The following TRIM21 variants were observed in gnomAD, a reference collection of about 807,000 sequenced individuals.
TRIM21 encodes the protein tripartite motif containing 21.
A neutral mutation model predicts 36.1 loss-of-function variants in TRIM21; 35 were observed. The ratio of observed to expected loss-of-function variants is 0.97; its 90% CI spans 0.74 to 1.28. TRIM21 has a LOEUF of 1.28. Ranked by LOEUF, TRIM21 falls within the 50% of genes most tolerant of loss-of-function variation. The pLI is 0.00. For missense variants in TRIM21, 635 were observed against 570.7 expected, an observed-to-expected ratio of 1.11 and a Z score of -1.15; for synonymous variants, 256 against 211.5, an observed-to-expected ratio of 1.21 and a Z score of -1.83.
chr11:4,389,739 T>TG lies in TRIM21; in HGVS notation c.418dup (p.Gln140ProfsTer15), dbSNP rs765720478. 1 of 1,613,932 alleles carries TG rather than the reference T, an allele frequency of 6.2e-7. No homozygotes were observed. Among genetic ancestry groups the TG allele is most frequent in the South Asian group, 1.1e-5 (1 of 91,082 alleles). On this transcript the variant is annotated frameshift_variant, in exon 3 of 7. Coordinates refer to ENST00000254436, the MANE Select transcript of TRIM21 (RefSeq NM_003141.4). LOFTEE classifies it high-confidence loss of function. Reference sequence around the variant, plus strand: ...TCTTCTCAGTTCCCCTAATGCCACCTGGAGCTTCTCCTGCAGAGAAAGACA... The same window carrying TG: ...TCTTCTCAGTTCCCCTAATGCCACCTGGGAGCTTCTCCTGCAGAGAAAGACA...
At position 4,384,910 on chromosome 11, in the gene TRIM21, A is replaced by T. The variant is rs2094954115; in HGVS notation, c.*375T>A. On this transcript the variant is annotated 3_prime_UTR_variant, in exon 7 of 7. Transcript: ENST00000254436. ...GATAGACGGAGGCACAGTTTTTTAA[A>T]TTTTATTTTTTATTTTTAGGAAGCC... The T allele has an allele frequency of 5.4e-6, 1 of 184,830 alleles. No homozygotes were observed. Among genetic ancestry groups the T allele is most frequent in the Non-Finnish European group, 1.1e-5 (1 of 89,496 alleles). The allele number at this position is 184,830 out of a possible 1,614,324, so 11.4% of individuals were successfully genotyped here. A position where few individuals can be genotyped will look rare whatever the true frequency, so the allele number is the denominator to read the frequency against.
In TRIM21 at chr11:4,388,317, C is replaced by T. The variant is rs1340277926; in HGVS notation, c.718G>A (p.Ala240Thr). The change falls in exon 4 of 7, where the codon GCA becomes ACA. Residue 240 changes from alanine to threonine, a missense_variant. Coordinates refer to ENST00000254436, the MANE Select transcript of TRIM21 (RefSeq NM_003141.4). ...TGTCTCACCTGCAGCAGTTCCAGTG[C>T]TGAGCTGTGGCACCTTCGATCTAGC... is the stretch of plus-strand genomic sequence containing the variant. Reference protein sequence around the residue: ...SELDRRCHSSALELLQEVIIV... With the variant: ...SELDRRCHSSTLELLQEVIIV... The T allele has an allele frequency of 1.2e-6, 2 of 1,613,574 alleles. No homozygotes were observed. Among genetic ancestry groups the T allele is most frequent in the South Asian group, 1.1e-5 (1 of 91,080 alleles).
At position 4,385,434 on chromosome 11, in the gene TRIM21, C is replaced by T; in HGVS notation, c.1279G>A (p.Gly427Ser). 4 of 1,613,574 alleles carry T rather than the reference C, an allele frequency of 2.5e-6. No individual in the cohort carries two copies. The highest frequency in any genetic ancestry group is 3.4e-6 in the Non-Finnish European group (4 of 1,179,756). Residue 427 changes from glycine to serine, a missense_variant, in exon 7 of 7, where the codon GGC becomes AGC. Coordinates refer to ENST00000254436, the MANE Select transcript of TRIM21 (RefSeq NM_003141.4). Reference protein sequence around the residue: ...MVSFYNITDHGSLIYSFSECA... With the variant: ...MVSFYNITDHSSLIYSFSECA... ...TCAGAGAAGGAGTAGATGAGGGAGC[C>T]ATGGTCAGTGATGTTGTAGAAGGAG...
intron 1 of TRIM21, among the ~76,000 whole-genome samples, chr11:4,391,592 G>C (rs1025960128): frequency 3.3e-5 from 5 of 151,910 alleles, no homozygotes; most frequent in Non-Finnish European, 7.4e-5. Flanking sequence ...CCCAAAGAAA[G>C]GAAATCAGTA....
intron 1 of TRIM21, among the ~76,000 whole-genome samples, 166 bp downstream of exon 1, chr11:4,393,467 A>T (rs1480536324): frequency 1.3e-5 from 2 of 152,184 alleles, no homozygotes; most frequent in African/African-American, 4.8e-5. Flanking sequence ...GCAGGGGGCC[A>T]GCACCGGAAG....
chr11:4,389,974 C>A, intron 2 of TRIM21, 28 bp downstream of exon 2: 1 of 1,605,946 alleles, frequency 6.2e-7, no homozygotes, highest in Non-Finnish European at 8.5e-7. Context: ...GAAAACGAAG[C>A]ACTCACCAGG....
chr11:4,391,809 T>A (rs1372257172), intron 1 of TRIM21, among the ~76,000 whole-genome samples: 2 of 152,126 alleles, frequency 1.3e-5, no homozygotes. Context: ...TTATGTTAGG[T>A]GAAATAAGCC....
At chr11:4,386,311 A>T in intron 5 of TRIM21, 54 bp from the exon 6 acceptor site, 1 of 1,414,810 alleles carries the variant, frequency 7.1e-7, no homozygotes, top group Middle Eastern at 1.8e-4. Flanking sequence ...CCAAACCCTA[A>T]CACTATAACC....
At chr11:4,389,445 C>G (rs1471331340) in intron 3 of TRIM21, among the ~76,000 whole-genome samples, 1 of 152,202 alleles carries the variant, frequency 6.6e-6, no homozygotes, top group East Asian at 1.9e-4. Flanking sequence ...TCTTGATCTT[C>G]AGGCCTGATG....
intron 3 of TRIM21, 123 bp from the exon 4 acceptor site, chr11:4,388,653 ACACACATGCACACG>A: frequency 1.2e-6 from 1 of 868,202 alleles, no homozygotes. Context: ...GGGAAAACAC[ACACACATGCACACG>A]CACACGCGCG....
chr11:4,389,892 A>C, intron 2 of TRIM21, 110 bp downstream of exon 2: 1 of 1,500,324 alleles, frequency 6.7e-7, no homozygotes, highest in Non-Finnish European at 9.2e-7. Flanking sequence ...TACATTAGAC[A>C]TGGAGAGAGG....
At position 4,386,170 on chromosome 11, in the gene TRIM21, C is replaced by G. The variant is rs377387654; in HGVS notation, c.846G>C (p.Leu282=). Residue 282 remains leucine, a synonymous_variant, in exon 6 of 7, where the codon CTG becomes CTC. Transcript: ENST00000254436. ...AACTTGCCTCACCTGCACATGTCCTCAGCATCTTCTTCAGCCCTGGCACAT... is the reference window on the plus strand; with the variant it reads ...AACTTGCCTCACCTGCACATGTCCTGAGCATCTTCTTCAGCCCTGGCACAT... ...VCHVPGLKKM[L]RTCAVHITLD... is the part of the protein sequence containing the mutation. The G allele has an allele frequency of 6.2e-7, 1 of 1,613,340 alleles. No individual in the cohort carries two copies. The highest frequency in any genetic ancestry group is 8.5e-7 in the Non-Finnish European group (1 of 1,179,852).
chr11:4,388,804 A>G (rs2094959490), intron 3 of TRIM21, among the ~76,000 whole-genome samples: 1 of 152,048 alleles, frequency 6.6e-6, no homozygotes, highest in South Asian at 2.1e-4. Flanking sequence ...AATATATGGC[A>G]TTGGGGACTT....
rs1394303416 is a variant in TRIM21, at chr11:4,390,100, C to T, written c.310G>A (p.Glu104Lys). The T allele has an allele frequency of 1.2e-6, 2 of 1,613,906 alleles. No homozygotes were observed. The highest frequency in any genetic ancestry group is 2.7e-5 in the African/African-American group (2 of 74,922). Residue 104 changes from glutamate (E) to lysine (K), a missense_variant, in exon 2 of 7, where the codon GAG becomes AAG. Physicochemically the swap from Glu to Lys is moderately conservative, Grantham distance 56. Transcript: ENST00000254436. ...CAGCAAAGGGCCTTCCCATCTTTCT[C>T]ACAGAACAGGTGAAGTCTCTCTCCA... ...VHGERLHLFC[E>K]KDGKALCWVC...
intron 1 of TRIM21, among the ~76,000 whole-genome samples, chr11:4,392,707 T>G (rs2094964468): frequency 6.6e-6 from 1 of 152,246 alleles, no homozygotes; most frequent in Non-Finnish European, 1.5e-5. Context: ...CCTCCATTGT[T>G]TGGTCCATTG....
At chr11:4,386,100 G>A (rs1462330382) in intron 6 of TRIM21, 57 bp downstream of exon 6, 2 of 1,552,722 alleles carry the variant, frequency 1.3e-6, no homozygotes, top group African/African-American at 1.4e-5. Flanking sequence ...CAGGCTCCCT[G>A]ACCCTGGGAT....
intron 1 of TRIM21, 49 bp from the exon 2 acceptor site, chr11:4,390,507 A>C: frequency 7.7e-7 from 1 of 1,306,248 alleles, no homozygotes; most frequent in South Asian, 1.6e-5. Flanking sequence ...AGTCTGTGTA[A>C]GAAAAACAAA....
chr11:4,393,096 A>G (rs2094965021), intron 1 of TRIM21, among the ~76,000 whole-genome samples: 1 of 152,170 alleles, frequency 6.6e-6, no homozygotes. Flanking sequence ...TTAGTTCCTG[A>G]CAACACTTAT....
chr11:4,392,986 G>A (rs2094964879), intron 1 of TRIM21, among the ~76,000 whole-genome samples: 1 of 152,144 alleles, frequency 6.6e-6, no homozygotes, highest in Non-Finnish European at 1.5e-5. Context: ...GAAGTCAGTT[G>A]CATATATGTA....
Sources: gnomAD v4.1 joint callset for allele counts (sites outside exome capture counted in the v4.1 genomes callset) on GRCh38, gnomAD v4.1.1 for gene constraint, MANE v1.5 for transcripts, NCBI Gene and HGNC (gene_info 2026-07-23, HGNC 2026-07-21) for gene names.